The following KIF26A variants were observed in gnomAD, a reference collection of about 807,000 sequenced individuals.
KIF26A encodes the protein kinesin family member 26A.
Under a neutral mutation model 126.0 loss-of-function variants are expected in KIF26A, and 74 were observed. The ratio of observed to expected loss-of-function variants is 0.59; its 90% CI spans 0.49 to 0.71. The LOEUF (loss-of-function observed/expected upper bound fraction) is 0.71, where lower values mean the gene tolerates loss of function less well. Among genes scored for constraint, KIF26A ranks in the 30% least tolerant of loss-of-function variants. KIF26A has a pLI of 0.00. For synonymous variants in KIF26A, 1,445 were observed against 1,232.7 expected, an observed-to-expected ratio of 1.17 and a Z score of -3.61; for missense variants, 2,984 against 2,763.3, an observed-to-expected ratio of 1.08 and a Z score of -1.79.
rs1005219387 is a variant in KIF26A at position 104,171,211 on chromosome 14, C to T, written c.1114-512C>T. Among the ~76,000 whole-genome samples the T allele has an allele frequency of 8.9e-4, 135 of 152,258 alleles. 1 individual carries two copies. The highest frequency in any genetic ancestry group is 8.8e-3 in the Admixed American group (135 of 15,290). ...CCAGGGTTCGGTTCCCTCAGCTGGCCAGGGTCGGAGGCAGCCATGCCCCTG... is the reference window on the plus strand; with the variant it reads ...CCAGGGTTCGGTTCCCTCAGCTGGCTAGGGTCGGAGGCAGCCATGCCCCTG... On this transcript the variant is annotated intron_variant, in intron 5 of 14. Transcript: ENST00000423312.
rs752374304 is a variant in KIF26A at position 104,173,851 on chromosome 14, C to T, written c.2013C>T (p.Ala671=). Residue 671 remains alanine, a synonymous_variant, in exon 10 of 15, where the codon GCC becomes GCT. Coordinates refer to ENST00000423312, the MANE Select transcript of KIF26A (RefSeq NM_015656.2). ...GSVILALVNG[A]KHVPYRDHRL... Reference sequence around the variant, plus strand: ...TCATCTTGGCCCTGGTCAACGGAGCCAAGCATGTGCCGTATCGGTGAGTGT... The same window carrying T: ...TCATCTTGGCCCTGGTCAACGGAGCTAAGCATGTGCCGTATCGGTGAGTGT... 7.5e-6 allele frequency: 12 copies of T among 1,595,208 alleles called. No individual in the cohort carries two copies. Among genetic ancestry groups the T allele is most frequent in the Non-Finnish European group, 1.0e-5 (12 of 1,176,242 alleles).
intron 1 of KIF26A, 137 bp downstream of exon 1, chr14:104,138,901 A>T: frequency 8.0e-7 from 1 of 1,244,406 alleles, no homozygotes; most frequent in Non-Finnish European, 1.0e-6. Flanking sequence ...ACCTCCGGGG[A>T]TGGAGGGAGT....
chr14:104,173,586 C>A, intron 9 of KIF26A, 73 bp downstream of exon 9: 1 of 1,501,458 alleles, frequency 6.7e-7, no homozygotes, highest in South Asian at 1.3e-5. Flanking sequence ...AGGGGCCTGT[C>A]ATCCAGTGGC....
chr14:104,143,628 C>T (rs2037656447), intron 2 of KIF26A, among the ~76,000 whole-genome samples: 1 of 152,238 alleles, frequency 6.6e-6, no homozygotes, highest in African/African-American at 2.4e-5. Flanking sequence ...GGCAATGGTC[C>T]TGGGAGGGTA....
chr14:104,153,957 A>T (rs972550166), intron 3 of KIF26A, among the ~76,000 whole-genome samples: 1 of 152,250 alleles, frequency 6.6e-6, no homozygotes, highest in East Asian at 1.9e-4. Context: ...TTATGTGCAC[A>T]TTGATCGTGG....
Position 104,171,916 on chromosome 14 carries a change from T to G in KIF26A, c.1307T>G (p.Phe436Cys). The G allele has an allele frequency of 6.4e-7, 1 of 1,554,410 alleles. No individual in the cohort carries two copies. The highest frequency in any genetic ancestry group is 1.4e-5 in the African/African-American group (1 of 73,274). Reference protein sequence around the residue: ...VPKMFAFDAVFPQDSEQAEVC... With the variant: ...VPKMFAFDAVCPQDSEQAEVC... ...AAGATGTTTGCCTTCGATGCCGTCTTCCCCCAGGACTCCGAGCAGGTACGG... is the reference window on the plus strand; with the variant it reads ...AAGATGTTTGCCTTCGATGCCGTCTGCCCCCAGGACTCCGAGCAGGTACGG... The change falls in exon 6 of 15, where the codon TTC becomes TGC. Residue 436 changes from phenylalanine (F) to cysteine (C), a missense_variant. Physicochemically the swap from Phe to Cys is radical, Grantham distance 205. Transcript: ENST00000423312.
intron 3 of KIF26A, among the ~76,000 whole-genome samples, chr14:104,155,636 G>A (rs556615785): frequency 6.6e-6 from 1 of 152,326 alleles, no homozygotes; most frequent in Non-Finnish European, 1.5e-5. Context: ...GCATGCCCGG[G>A]CTCTGCTTCC....
At chr14:104,144,670 TG>T (rs2037665881) in intron 2 of KIF26A, among the ~76,000 whole-genome samples, 1 of 152,266 alleles carries the variant, frequency 6.6e-6, no homozygotes, top group Admixed American at 6.5e-5. Context: ...TGCTCAGCTC[TG>T]GGCCGCGTGG....
In KIF26A at chr14:104,176,218, G is replaced by T. The variant is rs1336884313; in HGVS notation, c.3430G>T (p.Gly1144Trp). Residue 1144 changes from glycine to tryptophan, a missense_variant, in exon 12 of 15, where the codon GGG (glycine) becomes TGG (tryptophan). Transcript: ENST00000423312. ...CGACTCGCTGGCAGGGCTTGACCCTGGGGGCCCCCCTGCCCTGGATGGTTC... is the reference window on the plus strand; with the variant it reads ...CGACTCGCTGGCAGGGCTTGACCCTTGGGGCCCCCCTGCCCTGGATGGTTC... ...SPDSLAGLDP[G>W]GPPALDGSLG... is the part of the protein sequence containing the mutation. 2 of 1,600,554 alleles carry T rather than the reference G, an allele frequency of 1.2e-6. No individual in the cohort carries two copies. Among genetic ancestry groups the T allele is most frequent in the African/African-American group, 1.3e-5 (1 of 74,690 alleles).
At position 104,179,631 on chromosome 14, in the gene KIF26A, G is replaced by T. The variant is rs1351994258; in HGVS notation, c.5490G>T (p.Glu1830Asp). 3 of 1,539,566 alleles carry T rather than the reference G, an allele frequency of 1.9e-6. No homozygotes were observed. The highest frequency in any genetic ancestry group is 2.6e-6 in the Non-Finnish European group (3 of 1,141,496). Residue 1830 changes from glutamate to aspartate, a missense_variant, in exon 15 of 15, where the codon GAG becomes GAT. Glu to Asp is a conservative substitution (Grantham distance 45). Transcript: ENST00000423312. ...CAGTTGAGGTGGACCCGGAGCTGGA[G>T]CCCGAGTCGGCCGAGTACCTGGCGG... is the stretch of plus-strand genomic sequence containing the variant. ...LEQFEVDPEL[E>D]PESAEYLAAL...
At position 104,175,206 on chromosome 14, in the gene KIF26A, C is replaced by A. The variant is rs760345011; in HGVS notation, c.2418C>A (p.Thr806=). Residue 806 remains threonine, a synonymous_variant, in exon 12 of 15, where the codon ACC becomes ACA. Coordinates refer to ENST00000423312, the MANE Select transcript of KIF26A (RefSeq NM_015656.2). Reference sequence around the variant, plus strand: ...CGGCGCTGTCAGACCGGGAGCTCACCGACAACGAAGGTCCGCCTGACTTCG... The same window carrying A: ...CGGCGCTGTCAGACCGGGAGCTCACAGACAACGAAGGTCCGCCTGACTTCG... The part of the protein sequence containing the change: ...GGAALSDREL[T]DNEGPPDFVP... The A allele has an allele frequency of 3.7e-6, 6 of 1,609,676 alleles. No individual in the cohort carries two copies. Among genetic ancestry groups the A allele is most frequent in the Non-Finnish European group, 4.2e-6 (5 of 1,179,144 alleles).
In KIF26A at chr14:104,178,563, G is replaced by T; in HGVS notation, c.5124G>T (p.Arg1708=). 6.8e-7 allele frequency: 1 copy of T among 1,475,200 alleles called. No individual in the cohort carries two copies. The highest frequency in any genetic ancestry group is 9.0e-7 in the Non-Finnish European group (1 of 1,110,630). The allele number at this position is 1,475,200 out of a possible 1,614,324, so 91.4% of individuals were successfully genotyped here. The change falls in exon 13 of 15, where the codon CGG becomes CGT. Residue 1708 remains arginine, a synonymous_variant. Coordinates refer to ENST00000423312, the MANE Select transcript of KIF26A (RefSeq NM_015656.2). ...TCTCCGTTCCAGGTCTGCAGCGGCG[G>T]CGCCTGATTCCCGCCCCACTGCCCG... ...PKKRATGLQR[R]RLIPAPLPDT...
intron 3 of KIF26A, among the ~76,000 whole-genome samples, chr14:104,153,014 C>G (rs1306117643): frequency 2.0e-5 from 3 of 152,140 alleles, no homozygotes; most frequent in Non-Finnish European, 2.9e-5. Flanking sequence ...CACCACACAG[C>G]GACCAGCACA....
At position 104,177,483 on chromosome 14, in the gene KIF26A, C is replaced by T; in HGVS notation, c.4695C>T (p.Ser1565=). The stretch of plus-strand genomic sequence containing the variant: ...AGCAGGCGCTCCGGGCTGCTCACAG[C>T]CGCGTCCATGAGCTGTCAGCCAGTG... ...GTKQALRAAH[S]RVHELSASGA... is the part of the protein sequence containing the mutation. The change falls in exon 12 of 15, where the codon AGC becomes AGT. Residue 1565 remains serine, a synonymous_variant. Coordinates refer to ENST00000423312, the MANE Select transcript of KIF26A (RefSeq NM_015656.2). The T allele has an allele frequency of 6.5e-7, 1 of 1,533,034 alleles. No homozygotes were observed. Among genetic ancestry groups the T allele is most frequent in the South Asian group, 1.2e-5 (1 of 83,624 alleles). The allele number at this position is 1,533,034 out of a possible 1,614,324, so 95.0% of individuals were successfully genotyped here. A position where few individuals can be genotyped will look rare whatever the true frequency, so the allele number is the denominator to read the frequency against.
rs568297407 is a variant in KIF26A, at chr14:104,165,986, G to A, written c.924-873G>A. ...CTCTCCCCTGGAGGTCCTGTGGTCCGGGGGCTTTGGGAGACTCTGCACCTT... is the reference window on the plus strand; with the variant it reads ...CTCTCCCCTGGAGGTCCTGTGGTCCAGGGGCTTTGGGAGACTCTGCACCTT... On this transcript the variant is annotated intron_variant, in intron 4 of 14. Coordinates refer to ENST00000423312, the MANE Select transcript of KIF26A (RefSeq NM_015656.2). Among the ~76,000 whole-genome samples, 102 of 152,274 alleles carry A rather than the reference G, an allele frequency of 6.7e-4. 1 individual carries two copies. The highest frequency in any genetic ancestry group is 1.9e-3 in the African/African-American group (78 of 41,552).
At chr14:104,173,647 G>A in intron 9 of KIF26A, 59 bp from the exon 10 acceptor site, 1 of 1,584,360 alleles carries the variant, frequency 6.3e-7, no homozygotes. Flanking sequence ...GGGTGGGGAT[G>A]TGGAGCAGGA....
At chr14:104,158,808 C>T (rs1309507311) in intron 4 of KIF26A, among the ~76,000 whole-genome samples, 2 of 152,230 alleles carry the variant, frequency 1.3e-5, no homozygotes, top group Admixed American at 6.5e-5. Flanking sequence ...CCGGCAGGGC[C>T]TTTGGTCCTG....
intron 2 of KIF26A, among the ~76,000 whole-genome samples, chr14:104,143,931 ACT>A (rs1351148516): frequency 6.6e-6 from 1 of 152,154 alleles, no homozygotes; most frequent in Non-Finnish European, 1.5e-5. Context: ...GCACTGGCTA[ACT>A]CTACCAGGAA....
chr14:104,175,277 C>T lies in KIF26A; in HGVS notation c.2489C>T (p.Pro830Leu). The stretch of plus-strand genomic sequence containing the variant: ...AGCCGCCACCGGCCCTCCAAGGGTC[C>T]CCGAGACGCAGACCACTTCCGCTGC... ...ALSRHRPSKGPRDADHFRCST... is the reference protein window; with the variant it reads ...ALSRHRPSKGLRDADHFRCST... Residue 830 changes from proline to leucine, a missense_variant, in exon 12 of 15, where the codon CCC becomes CTC. Physicochemically the swap from Pro to Leu is moderately conservative, Grantham distance 98. Coordinates refer to ENST00000423312, the MANE Select transcript of KIF26A (RefSeq NM_015656.2). 4.4e-6 allele frequency: 7 copies of T among 1,605,488 alleles called. No individual in the cohort carries two copies. In the South Asian group the frequency reaches 5.5e-5, roughly 13 times the overall value.
Sources: gnomAD v4.1 joint callset for allele counts (sites outside exome capture counted in the v4.1 genomes callset) on GRCh38, gnomAD v4.1.1 for gene constraint, MANE v1.5 for transcripts, NCBI Gene and HGNC (gene_info 2026-07-23, HGNC 2026-07-21) for gene names.